ANKRD12: variants seen among roughly 807,000 people sequenced by gnomAD.
The protein encoded by ANKRD12 is ankyrin repeat domain-containing protein 12.
ANKRD12 carries 85 observed loss-of-function variants against 183.4 expected under a neutral mutation model. The ratio of observed to expected loss-of-function variants is 0.46; its 90% CI spans 0.39 to 0.56. ANKRD12 has a LOEUF of 0.56. Among genes scored for constraint, ANKRD12 ranks in the 20% least tolerant of loss-of-function variants. The pLI is 0.00. For missense variants in ANKRD12, 2,405 were observed against 2,357.1 expected, an observed-to-expected ratio of 1.02 and a Z score of -0.42; for synonymous variants, 914 against 800.2, an observed-to-expected ratio of 1.14 and a Z score of -2.40.
At chr18:9,146,721 A>G (rs1039368761) in intron 1 of ANKRD12, among the ~76,000 whole-genome samples, 4 of 152,172 alleles carry the variant, frequency 2.6e-5, no homozygotes, top group African/African-American at 7.2e-5. Context: ...TATAATTCTA[A>G]GTGACTTTGG....
chr18:9,273,940 C>A (rs370278548), intron 10 of ANKRD12, among the ~76,000 whole-genome samples: 1 of 152,154 alleles, frequency 6.6e-6, no homozygotes, highest in African/African-American at 2.4e-5. Flanking sequence ...GAGCCAAAGA[C>A]GTGGCAAAAC....
intron 8 of ANKRD12, among the ~76,000 whole-genome samples, chr18:9,241,079 T>A (rs904997724): frequency 6.6e-6 from 1 of 152,166 alleles, no homozygotes; most frequent in African/African-American, 2.4e-5. Flanking sequence ...GAATTTTTTA[T>A]CAAATGGATT....
chr18:9,203,983 C>G (rs371797031), intron 3 of ANKRD12, among the ~76,000 whole-genome samples: 1 of 152,164 alleles, frequency 6.6e-6, no homozygotes, highest in Non-Finnish European at 1.5e-5. Flanking sequence ...GTAGTAATCA[C>G]TGTAGTAATT....
intron 8 of ANKRD12, among the ~76,000 whole-genome samples, chr18:9,251,543 C>G (rs2038298193): frequency 6.6e-6 from 1 of 152,124 alleles, no homozygotes; most frequent in Admixed American, 6.6e-5. Context: ...CCTGTAATCC[C>G]AGCACTTTGG....
At chr18:9,244,139 AAATG>A (rs1159264738) in intron 8 of ANKRD12, among the ~76,000 whole-genome samples, 1 of 152,242 alleles carries the variant, frequency 6.6e-6, no homozygotes, top group Non-Finnish European at 1.5e-5. Context: ...CGTCTCAAAA[AAATG>A]AATGAATGAA....
At chr18:9,214,645 A>G (rs2035992608) in intron 6 of ANKRD12, among the ~76,000 whole-genome samples, 1 of 151,976 alleles carries the variant, frequency 6.6e-6, no homozygotes, top group Non-Finnish European at 1.5e-5. Context: ...CTCCTAAGAA[A>G]CAGAAGAGTT....
chr18:9,177,057 C>T (rs1020844126), intron 1 of ANKRD12, among the ~76,000 whole-genome samples: 6 of 152,182 alleles, frequency 3.9e-5, no homozygotes, highest in Non-Finnish European at 5.9e-5. Context: ...AATCTATAAA[C>T]TGCATCATTT....
At chr18:9,225,900 C>T (rs931998599) in intron 8 of ANKRD12, among the ~76,000 whole-genome samples, 10 of 151,908 alleles carry the variant, frequency 6.6e-5, no homozygotes, top group African/African-American at 1.2e-4. Flanking sequence ...TAATCTTTTG[C>T]TCTGTTTCCT....
At chr18:9,184,892 G>C (rs960734004) in intron 2 of ANKRD12, among the ~76,000 whole-genome samples, 2 of 152,008 alleles carry the variant, frequency 1.3e-5, no homozygotes, top group African/African-American at 2.4e-5. Flanking sequence ...GATCTCCTCA[G>C]TTGATCTCAC....
intron 1 of ANKRD12, among the ~76,000 whole-genome samples, chr18:9,152,575 T>G (rs1287611479): frequency 6.6e-6 from 1 of 152,128 alleles, no homozygotes; most frequent in Non-Finnish European, 1.5e-5. Context: ...TTATCCACTT[T>G]TACAGACTCT....
At position 9,258,952 on chromosome 18, in the gene ANKRD12, C is replaced by A. The variant is rs115199552; in HGVS notation, c.5664+21C>A. The A allele has an allele frequency of 2.7e-4, 423 of 1,579,930 alleles. 9 individuals are homozygous for A. The South Asian group carries it at 4.4e-3, about 16-fold the overall frequency. ...CCACAGTAAGTAACATCATCACTTG[C>A]TATACACCTGTAACACTGCCCAATA... On this transcript the variant is annotated intron_variant, in intron 9 of 12. Coordinates refer to ENST00000262126, the MANE Select transcript of ANKRD12 (RefSeq NM_015208.5).
intron 10 of ANKRD12, among the ~76,000 whole-genome samples, chr18:9,267,415 A>G (rs936111338): frequency 6.6e-6 from 1 of 152,184 alleles, no homozygotes; most frequent in South Asian, 2.1e-4. Context: ...AATTATAACA[A>G]ACTGTCTCTC....
chr18:9,202,886 T>TGTGG (rs2035258250), intron 3 of ANKRD12, among the ~76,000 whole-genome samples: 1 of 152,224 alleles, frequency 6.6e-6, no homozygotes, highest in South Asian at 2.1e-4. Flanking sequence ...CCAAAGAGTG[T>TGTGG]GTGGGGTCAG....
chr18:9,252,559 T>C (rs2038360165), intron 8 of ANKRD12, among the ~76,000 whole-genome samples: 1 of 152,242 alleles, frequency 6.6e-6, no homozygotes. Context: ...AAAGAACCAT[T>C]AGAAAAAAAG....
intron 8 of ANKRD12, among the ~76,000 whole-genome samples, chr18:9,239,243 G>A (rs2037519522): frequency 6.6e-6 from 1 of 152,112 alleles, no homozygotes; most frequent in African/African-American, 2.4e-5. Flanking sequence ...CTCAAAAATC[G>A]CTACTAATTC....
At chr18:9,185,656 CAAAGAGTGTAT>C (rs796490483) in intron 2 of ANKRD12, among the ~76,000 whole-genome samples, 46 of 151,980 alleles carry the variant, frequency 3.0e-4, no homozygotes, top group African/African-American at 1.0e-3. Flanking sequence ...GAAGAGTGTA[CAAAGAGTGTAT>C]AAAGTGGCAC....
intron 8 of ANKRD12, among the ~76,000 whole-genome samples, chr18:9,228,621 T>G (rs1231758030): frequency 6.6e-6 from 1 of 152,158 alleles, no homozygotes; most frequent in Non-Finnish European, 1.5e-5. Context: ...TTTTGAGAAA[T>G]GTCTTCCAAG....
At chr18:9,179,469 T>C (rs893036094) in intron 1 of ANKRD12, among the ~76,000 whole-genome samples, 1 of 152,198 alleles carries the variant, frequency 6.6e-6, no homozygotes, top group Non-Finnish European at 1.5e-5. Flanking sequence ...GTTGAGATGG[T>C]CATATATTTT....
At chr18:9,279,092 CTTCATGAGAA>C (rs2145490720) in intron 11 of ANKRD12, among the ~76,000 whole-genome samples, 1 of 474 alleles carries the variant, frequency 2.1e-3, no homozygotes, top group Admixed American at 0.028. Context: ...TAAAGAATTT[CTTCATGAGAA>C]AGAATTTCTT....
Sources: allele counts gnomAD v4.1 joint callset (sites outside exome capture counted in the v4.1 genomes callset), GRCh38; gene constraint gnomAD v4.1.1; transcripts MANE v1.5; gene names NCBI Gene and HGNC (gene_info 2026-07-23, HGNC 2026-07-21).